Variants in MAD1L1 observed in about 807,000 individuals in gnomAD.
MAD1L1 encodes mitotic spindle assembly checkpoint protein MAD1.
A neutral mutation model predicts 96.9 loss-of-function variants in MAD1L1; 95 were observed. That is an observed-to-expected ratio of 0.98 (90% CI 0.83 to 1.16). The LOEUF (loss-of-function observed/expected upper bound fraction) is 1.16, where lower values mean the gene tolerates loss of function less well. MAD1L1 is among the 50% of genes most tolerant of loss of function. The pLI, the probability that MAD1L1 is intolerant of heterozygous loss-of-function variation, is 0.00. For synonymous variants in MAD1L1, 473 were observed against 396.6 expected, an observed-to-expected ratio of 1.19 and a Z score of -2.29; for missense variants, 1,007 against 954.4, an observed-to-expected ratio of 1.06 and a Z score of -0.73.
Position 2,143,223 on chromosome 7 carries a change from G to A in MAD1L1, c.1073+5929C>T, listed in dbSNP as rs556952205. On this transcript the variant is annotated intron_variant, in intron 11 of 18. Coordinates refer to ENST00000265854, the MANE Select transcript of MAD1L1 (RefSeq NM_001013836.2). The stretch of plus-strand genomic sequence containing the variant: ...AGACTCGCTCGGAGAGCCACTCCTG[G>A]TAGAGCCAAATGCAAACACAGGCCC... Among the ~76,000 whole-genome samples the A allele has an allele frequency of 4.6e-5, 7 of 151,810 alleles. No individual in the cohort carries two copies. The South Asian group carries it at 1.5e-3, about 32-fold the overall frequency.
intron 16 of MAD1L1, among the ~76,000 whole-genome samples, chr7:1,937,711 G>A (rs1778693172): frequency 1.0e-5 from 1 of 95,928 alleles, no homozygotes; most frequent in Non-Finnish European, 2.1e-5. Context: ...GCAGGGAGGT[G>A]CAGGGTCACT....
chr7:2,015,524 A>C (rs1421589054), intron 12 of MAD1L1, among the ~76,000 whole-genome samples: 1 of 152,198 alleles, frequency 6.6e-6, no homozygotes, highest in Admixed American at 6.5e-5. Flanking sequence ...CTGAGCTGCC[A>C]AGATGGCCCC....
At chr7:2,216,952 C>T (rs556691726) in intron 7 of MAD1L1, among the ~76,000 whole-genome samples, 3 of 152,236 alleles carry the variant, frequency 2.0e-5, no homozygotes, top group Non-Finnish European at 4.4e-5. Context: ...TTCCCAGCGC[C>T]GACCTCCCAG....
rs888230057 is a variant in MAD1L1, at chr7:2,182,869, C to T, written c.986+30343G>A. On this transcript the variant is annotated intron_variant, in intron 10 of 18. Coordinates refer to ENST00000265854, the MANE Select transcript of MAD1L1 (RefSeq NM_001013836.2). ...ACCATGACAATCTTCTGGAATTAGA[C>T]AGTAGGTATGAGTGTACAACCTTAC... is the stretch of plus-strand genomic sequence containing the variant. 6.6e-5 allele frequency among the ~76,000 whole-genome samples: 10 copies of T among 152,310 alleles called. No homozygotes were observed. The East Asian group carries it at 1.9e-3, about 29-fold the overall frequency.
chr7:2,151,074 A>G (rs937777760), intron 10 of MAD1L1, among the ~76,000 whole-genome samples: 11 of 152,250 alleles, frequency 7.2e-5, no homozygotes, highest in Non-Finnish European at 1.3e-4. Flanking sequence ...CATTCTCTCC[A>G]GTTTCCCAAA....
chr7:2,160,983 T>C (rs1790081067), intron 10 of MAD1L1, among the ~76,000 whole-genome samples: 1 of 151,922 alleles, frequency 6.6e-6, no homozygotes, highest in Non-Finnish European at 1.5e-5. Context: ...AACAAAACAA[T>C]TCTATCATTC....
chr7:2,104,266 C>T (rs1254948422), intron 11 of MAD1L1, among the ~76,000 whole-genome samples: 1 of 152,250 alleles, frequency 6.6e-6, no homozygotes, highest in Non-Finnish European at 1.5e-5. Flanking sequence ...GCTGCTCAGC[C>T]CGAGTGGCAC....
chr7:2,128,876 C>T (rs951656186), intron 11 of MAD1L1, among the ~76,000 whole-genome samples: 1 of 152,188 alleles, frequency 6.6e-6, no homozygotes, highest in African/African-American at 2.4e-5. Context: ...TCTCTCTGCT[C>T]CCACACCTTC....
At chr7:2,027,266 C>T (rs1342054985) in intron 12 of MAD1L1, among the ~76,000 whole-genome samples, 2 of 152,164 alleles carry the variant, frequency 1.3e-5, no homozygotes, top group Non-Finnish European at 2.9e-5. Context: ...TTCACTGGTA[C>T]ACTCCACCAA....
At chr7:1,882,242 G>A (rs146746376) in intron 18 of MAD1L1, among the ~76,000 whole-genome samples, 25 of 152,324 alleles carry the variant, frequency 1.6e-4, no homozygotes, top group African/African-American at 6.0e-4. Flanking sequence ...CGGGCAGAGG[G>A]CACCTGGGAG....
chr7:1,948,477 G>C (rs1779335557), intron 16 of MAD1L1, among the ~76,000 whole-genome samples: 1 of 152,240 alleles, frequency 6.6e-6, no homozygotes, highest in Non-Finnish European at 1.5e-5. Flanking sequence ...GTGGAGCCGG[G>C]ACACTGGCAC....
At chr7:1,855,511 C>T (rs565185856) in intron 18 of MAD1L1, among the ~76,000 whole-genome samples, 3 of 152,204 alleles carry the variant, frequency 2.0e-5, no homozygotes, top group Admixed American at 6.5e-5. Context: ...TCTCATCCCT[C>T]ACACACTCAC....
intron 18 of MAD1L1, among the ~76,000 whole-genome samples, chr7:1,825,281 ACT>A (rs1562429023): frequency 6.6e-6 from 1 of 152,016 alleles, no homozygotes; most frequent in Non-Finnish European, 1.5e-5. Context: ...GTCTCCAGAC[ACT>A]CTGTGGGAGG....
intron 18 of MAD1L1, among the ~76,000 whole-genome samples, chr7:1,861,254 T>C (rs1784531599): frequency 6.6e-6 from 1 of 152,140 alleles, no homozygotes; most frequent in Non-Finnish European, 1.5e-5. Context: ...GGGGCTGGGC[T>C]GAGACCGGGC....
rs892091202 is a variant in MAD1L1 at position 2,155,038 on chromosome 7, C to G, written c.987-5800G>C. ...TCCACAGGGGTGGACTGTGAGCTCT[C>G]AGAGAGGCTTGCACGGAGAAGCAGC... On this transcript the variant is annotated intron_variant, in intron 10 of 18. Coordinates refer to ENST00000265854, the MANE Select transcript of MAD1L1 (RefSeq NM_001013836.2). Among the ~76,000 whole-genome samples the G allele has an allele frequency of 8.5e-5, 13 of 152,204 alleles. No homozygotes were observed. In the South Asian group the frequency reaches 1.0e-3, roughly 12 times the overall value.
chr7:2,098,652 G>A (rs1002344652), intron 11 of MAD1L1, among the ~76,000 whole-genome samples: 7 of 152,184 alleles, frequency 4.6e-5, no homozygotes, highest in South Asian at 2.1e-4. Flanking sequence ...CCCTGGTCAC[G>A]GAGGACACGG....
intron 16 of MAD1L1, among the ~76,000 whole-genome samples, chr7:1,940,719 C>T (rs1002988174): frequency 3.3e-5 from 5 of 152,234 alleles, no homozygotes; most frequent in Admixed American, 6.5e-5. Flanking sequence ...GACGGAGCTG[C>T]GGGCACGGAA....
intron 3 of MAD1L1, among the ~76,000 whole-genome samples, chr7:2,228,757 T>A (rs76876512): frequency 6.6e-6 from 1 of 151,540 alleles, no homozygotes; most frequent in African/African-American, 2.4e-5. Context: ...TTTTTTTTTT[T>A]TGAGACAGGG....
chr7:1,988,653 G>C (rs373052397), intron 14 of MAD1L1, among the ~76,000 whole-genome samples: 14 of 152,348 alleles, frequency 9.2e-5, no homozygotes, highest in African/African-American at 3.4e-4. Context: ...GGGTGGCCCA[G>C]GCGCACAGCG....
Sources: allele counts gnomAD v4.1 joint callset (sites outside exome capture counted in the v4.1 genomes callset), GRCh38; gene constraint gnomAD v4.1.1; transcripts MANE v1.5; gene names NCBI Gene and HGNC (gene_info 2026-07-23, HGNC 2026-07-21).